The following NTRK3 variants were observed in gnomAD, a reference collection of about 807,000 sequenced individuals.
The protein encoded by NTRK3 is NT-3 growth factor receptor.
A neutral mutation model predicts 91.7 loss-of-function variants in NTRK3; 24 were observed. The ratio of observed to expected loss-of-function variants is 0.26; its 90% CI spans 0.19 to 0.37. The LOEUF is 0.37. Among genes scored for constraint, NTRK3 ranks in the 10% least tolerant of loss-of-function variants. The probability of loss-of-function intolerance (pLI) is 1.00; values close to 1 mark genes in which losing one functional copy is unlikely to be tolerated. For missense variants in NTRK3, 880 were observed against 1,068.9 expected (o/e 0.82, Z 2.46); for synonymous variants, 483 against 404.0 (o/e 1.20, Z -2.34).
chr15:88,212,690 G>T (rs1482129465), intron 3 of NTRK3, among the ~76,000 whole-genome samples: 2 of 147,012 alleles, frequency 1.4e-5, no homozygotes, highest in Non-Finnish European at 3.0e-5. Flanking sequence ...AAGCTGTTTT[G>T]GCTGCTGCAT....
At chr15:88,153,741 G>A (rs899752254) in intron 5 of NTRK3, among the ~76,000 whole-genome samples, 1 of 151,840 alleles carries the variant, frequency 6.6e-6, no homozygotes, top group Non-Finnish European at 1.5e-5. Context: ...AGAGACAGAT[G>A]TCTTCTCATT....
At chr15:88,113,606 A>C (rs1299703530) in intron 13 of NTRK3, among the ~76,000 whole-genome samples, 1 of 151,968 alleles carries the variant, frequency 6.6e-6, no homozygotes, top group African/African-American at 2.4e-5. Flanking sequence ...ATGAGCCACC[A>C]CAGCTGGTCT....
intron 5 of NTRK3, among the ~76,000 whole-genome samples, chr15:88,159,089 G>C (rs2151419232): frequency 6.6e-6 from 1 of 152,358 alleles, no homozygotes; most frequent in East Asian, 1.9e-4. Flanking sequence ...CCAAAGGCTG[G>C]TGGGAGCCTG....
chr15:88,058,426 A>G (rs909036977), intron 13 of NTRK3, among the ~76,000 whole-genome samples: 1 of 152,234 alleles, frequency 6.6e-6, no homozygotes, highest in Non-Finnish European at 1.5e-5. Context: ...GGTTGTTATC[A>G]TAAGTGGGAC....
intron 6 of NTRK3, among the ~76,000 whole-genome samples, chr15:88,137,995 G>A (rs1023524046): frequency 1.3e-5 from 2 of 152,010 alleles, no homozygotes; most frequent in African/African-American, 2.4e-5. Context: ...AGGTTGCAGT[G>A]AACTGAGATC....
At chr15:87,910,306 T>C (rs1310183521) in intron 17 of NTRK3, among the ~76,000 whole-genome samples, 1 of 152,198 alleles carries the variant, frequency 6.6e-6, no homozygotes, top group Non-Finnish European at 1.5e-5. Flanking sequence ...GGGCAGCTCC[T>C]GCCAACGTGC....
At chr15:88,161,132 T>C (rs1377072132) in intron 5 of NTRK3, among the ~76,000 whole-genome samples, 1 of 152,186 alleles carries the variant, frequency 6.6e-6, no homozygotes, top group Non-Finnish European at 1.5e-5. Context: ...CTAACAAACA[T>C]GGTGATTGCT....
chr15:88,139,764 C>T (rs2042206611), intron 6 of NTRK3, among the ~76,000 whole-genome samples: 1 of 152,130 alleles, frequency 6.6e-6, no homozygotes, highest in African/African-American at 2.4e-5. Context: ...CAAGACAGCA[C>T]AGTTTCAAAC....
Position 87,937,587 on chromosome 15 carries a change from G to T in NTRK3, c.1716+3036C>A, listed in dbSNP as rs75002562. Among the ~76,000 whole-genome samples, 908 of 152,204 alleles carry T rather than the reference G, an allele frequency of 6.0e-3. 15 individuals carry two copies. Among genetic ancestry groups the T allele is most frequent in the East Asian group, 0.034 (174 of 5,176 alleles). On this transcript the variant is annotated intron_variant, in intron 15 of 18. Coordinates refer to ENST00000394480, the Ensembl canonical transcript of NTRK3. ...AAAGGAACCCAAAAGCTGCCCAGGG[G>T]TGCTGGGCAGGAAGAAATATAATGC... is the stretch of plus-strand genomic sequence containing the variant.
chr15:88,047,168 A>C (rs1318502785), intron 13 of NTRK3, among the ~76,000 whole-genome samples: 2 of 152,192 alleles, frequency 1.3e-5, no homozygotes. Context: ...CCTGAACAAG[A>C]ATGTGTATGA....
exon 19 of NTRK3, chr15:87,861,871 T>C (rs2064535052): frequency 4.7e-6 from 1 of 211,564 alleles, no homozygotes; most frequent in African/African-American, 2.3e-5. Context: ...AGATGCCTGC[T>C]CTGCATCTCT....
At chr15:88,058,626 T>C (rs2045936645) in intron 13 of NTRK3, among the ~76,000 whole-genome samples, 1 of 152,092 alleles carries the variant, frequency 6.6e-6, no homozygotes, top group Admixed American at 6.6e-5. Flanking sequence ...TGCCCGTTCC[T>C]GAGAACAGAA....
chr15:88,135,366 A>G (rs1316497627), exon 10 of NTRK3: 1 of 1,613,966 alleles, frequency 6.2e-7, no homozygotes, highest in African/African-American at 1.3e-5. Flanking sequence ...GGCGCAGCTC[A>G]GGCTCCTCCA....
chr15:88,051,754 A>T (rs1281056003), intron 13 of NTRK3, among the ~76,000 whole-genome samples: 3 of 152,240 alleles, frequency 2.0e-5, no homozygotes, highest in African/African-American at 4.8e-5. Context: ...AACAGTGGTT[A>T]GCTAACTCAA....
chr15:87,926,787 A>G (rs1182469769), intron 17 of NTRK3: 1 of 152,122 alleles, frequency 6.6e-6, no homozygotes, highest in East Asian at 1.9e-4. Context: ...GTTTCCTGAG[A>G]CTCCAGTGAA....
rs756837892 is a variant in NTRK3, at chr15:88,255,868, G to C, written c.248+38C>G. On this transcript the variant is annotated intron_variant, in intron 3 of 18. Transcript: ENST00000394480. This position sits in a 1 kb window ranked among gnomAD's most constrained non-coding sequence, Gnocchi z 4.3. ...GGTGGGCAGGAGGGAGACGCAGAGC[G>C]CGGGGGAGGCAGGCTGGGGAGCGGC... is the stretch of plus-strand genomic sequence containing the variant. 6.3e-7 allele frequency: 1 copy of C among 1,579,966 alleles called. No homozygotes were observed. Among genetic ancestry groups the C allele is most frequent in the South Asian group, 1.1e-5 (1 of 87,732 alleles).
intron 14 of NTRK3, among the ~76,000 whole-genome samples, chr15:88,018,627 A>G (rs1017575929): frequency 1.3e-4 from 20 of 152,208 alleles, no homozygotes; most frequent in African/African-American, 4.6e-4. Context: ...GCTCTGTCAT[A>G]TCACAGTTTT....
intron 17 of NTRK3, among the ~76,000 whole-genome samples, chr15:87,914,664 C>T (rs1273196091): frequency 1.3e-5 from 2 of 152,014 alleles, no homozygotes; most frequent in Non-Finnish European, 2.9e-5. Flanking sequence ...AAACATGTAC[C>T]CAAGTGTCTC....
At chr15:87,991,194 C>T (rs945438135) in intron 14 of NTRK3, among the ~76,000 whole-genome samples, 1 of 151,926 alleles carries the variant, frequency 6.6e-6, no homozygotes. Context: ...GCTTCTCTTC[C>T]TTCACTGGTC....
Sources: allele counts gnomAD v4.1 joint callset (sites outside exome capture counted in the v4.1 genomes callset), GRCh38; gene constraint gnomAD v4.1.1; non-coding constraint Gnocchi (gnomAD v3.1); transcripts MANE v1.5; gene names NCBI Gene and HGNC (gene_info 2026-07-23, HGNC 2026-07-21).